MBP: variants seen among roughly 807,000 people sequenced by gnomAD.
MBP encodes myelin basic protein, also known as Golli-MBP.
In MBP, 16 loss-of-function variants were observed where a neutral mutation model predicts 35.8. That is an observed-to-expected ratio of 0.45 (90% confidence interval 0.30 to 0.68). The LOEUF (loss-of-function observed/expected upper bound fraction) is 0.68. MBP is among the 30% of genes least tolerant of loss of function. The pLI, the probability that MBP is intolerant of heterozygous loss-of-function variation, is 0.08. For missense variants in MBP, 380 were observed against 404.7 expected (o/e 0.94, Z 0.52); for synonymous variants, 143 against 159.6 (o/e 0.90, Z 0.78).
intron 2 of MBP, among the ~76,000 whole-genome samples, chr18:77,090,749 CG>C (rs1975481231): frequency 6.6e-6 from 1 of 152,216 alleles, no homozygotes; most frequent in Middle Eastern, 3.2e-3. Flanking sequence ...GGCTCAGCGG[CG>C]GACTCTCCTC....
chr18:77,027,982 T>TTTAATTTATTTATTTATTTATTTATTTA (rs1972289546), intron 3 of MBP, among the ~76,000 whole-genome samples: 1 of 145,340 alleles, frequency 6.9e-6, no homozygotes, highest in East Asian at 2.0e-4. Flanking sequence ...CCCAGCTAAT[T>TTTAATTTATTTATTTATTTATTTATTTA]TTTATTTATT....
intron 1 of MBP, among the ~76,000 whole-genome samples, chr18:77,132,060 C>G (rs1486586540): frequency 2.0e-5 from 3 of 152,092 alleles, no homozygotes; most frequent in African/African-American, 7.2e-5. Flanking sequence ...CGCCGCGAGC[C>G]GGGAGGACCC....
chr18:77,024,941 G>A (rs1178435865), intron 3 of MBP, among the ~76,000 whole-genome samples: 2 of 152,144 alleles, frequency 1.3e-5, no homozygotes, highest in Non-Finnish European at 2.9e-5. Flanking sequence ...TCCCACAAAC[G>A]CTGCCTTCCA....
intron 2 of MBP, among the ~76,000 whole-genome samples, chr18:77,080,845 G>A (rs1974867371): frequency 6.6e-6 from 1 of 152,022 alleles, no homozygotes; most frequent in Admixed American, 6.6e-5. Flanking sequence ...ACCACGCCCA[G>A]CTAACTGTTG....
chr18:77,062,123 C>T (rs1974007213), intron 3 of MBP, among the ~76,000 whole-genome samples: 1 of 152,202 alleles, frequency 6.6e-6, no homozygotes, highest in African/African-American at 2.4e-5. Context: ...CTGAGAGGAA[C>T]CACAGTCAGT....
At chr18:77,041,848 C>T (rs1339749491) in intron 3 of MBP, among the ~76,000 whole-genome samples, 4 of 151,386 alleles carry the variant, frequency 2.6e-5, no homozygotes, top group Non-Finnish European at 5.9e-5. Flanking sequence ...TTACTGGGTG[C>T]AGCACACCAA....
At position 76,988,831 on chromosome 18, in the gene MBP, G is replaced by T. The variant is rs777120967; in HGVS notation, c.717+46C>A. The T allele has an allele frequency of 6.3e-7, 1 of 1,577,714 alleles. No homozygotes were observed. Among genetic ancestry groups the T allele is most frequent in the South Asian group, 1.1e-5 (1 of 87,766 alleles). On this transcript the variant is annotated intron_variant, in intron 6 of 8. Transcript: ENST00000355994. The surrounding 1 kb of genome is among the most constrained non-coding windows in gnomAD (Gnocchi z 5.2). The stretch of plus-strand genomic sequence containing the variant: ...GGTACATTATGGGATTTTAGAGAAG[G>T]TCTATCAGAAAAGTGATGATCAATC...
intron 2 of MBP, among the ~76,000 whole-genome samples, chr18:77,092,010 A>G (rs1975548705): frequency 6.6e-6 from 1 of 152,204 alleles, no homozygotes; most frequent in Admixed American, 6.5e-5. Context: ...TGAAAGCTGG[A>G]TTTTTTAGGT....
intron 1 of MBP, among the ~76,000 whole-genome samples, chr18:77,126,286 C>G (rs2145246739): frequency 6.6e-6 from 1 of 152,290 alleles, no homozygotes; most frequent in South Asian, 2.1e-4. Context: ...AGTCAATCAA[C>G]TATCCATCAT....
At chr18:76,980,680 AG>A in intron 8 of MBP, 1 of 572,260 alleles carries the variant, frequency 1.7e-6, no homozygotes, top group Non-Finnish European at 3.1e-6. Context: ...GTTCTGTGAG[AG>A]AGAACTGGAA....
chr18:77,066,313 CCT>C lies in MBP; in HGVS notation c.122_123del (p.Glu41GlyfsTer25). The C allele has an allele frequency of 6.2e-7, 1 of 1,614,062 alleles. No individual in the cohort carries two copies. The highest frequency in any genetic ancestry group is 8.5e-7 in the Non-Finnish European group (1 of 1,179,926). On this transcript the variant is annotated frameshift_variant, in exon 3 of 9. Transcript: ENST00000355994. LOFTEE classifies it high-confidence loss of function. ...CGTCACCTACCGAACACTTCGTTGTCCTCTGAGGTTGTCCGTGAAAGTTCACC... is the reference window on the plus strand; with the variant it reads ...CGTCACCTACCGAACACTTCGTTGTCCTGAGGTTGTCCGTGAAAGTTCACC... ...NLGELSRTTS[E>X]DNEVFGEADA...
At chr18:77,002,161 G>A (rs1764826611) in intron 4 of MBP, among the ~76,000 whole-genome samples, 2 of 152,184 alleles carry the variant, frequency 1.3e-5, no homozygotes, top group South Asian at 4.1e-4. Flanking sequence ...GAGACCTCTG[G>A]CCTCTCGTAA....
Position 77,020,848 on chromosome 18 carries a change from C to T in MBP, c.140-3580G>A, listed in dbSNP as rs901366197. On this transcript the variant is annotated intron_variant, in intron 3 of 8. Transcript: ENST00000355994. The surrounding 1 kb of genome is among the most constrained non-coding windows in gnomAD (Gnocchi z 4.1). ...ACCCCGGGACCTAGCTCACCACAGGCCTGCCTAAGAGTGGACGGCTCCAGG... is the reference window on the plus strand; with the variant it reads ...ACCCCGGGACCTAGCTCACCACAGGTCTGCCTAAGAGTGGACGGCTCCAGG... Among the ~76,000 whole-genome samples, 3 of 152,228 alleles carry T rather than the reference C, an allele frequency of 2.0e-5. No individual in the cohort carries two copies. The highest frequency in any genetic ancestry group is 4.4e-5 in the Non-Finnish European group (3 of 68,046).
chr18:77,050,318 C>T (rs1973438710), intron 3 of MBP, among the ~76,000 whole-genome samples: 1 of 152,166 alleles, frequency 6.6e-6, no homozygotes. Flanking sequence ...AAAGCAGATA[C>T]CAAAACTAAG....
intron 3 of MBP, among the ~76,000 whole-genome samples, chr18:77,031,988 GACA>G (rs1263171798): frequency 6.6e-6 from 1 of 152,220 alleles, no homozygotes; most frequent in African/African-American, 2.4e-5. Flanking sequence ...CGATGGCAAC[GACA>G]ACAAGTGTGT....
At chr18:77,078,030 C>T (rs1974732843) in intron 2 of MBP, among the ~76,000 whole-genome samples, 1 of 152,222 alleles carries the variant, frequency 6.6e-6, no homozygotes, top group Non-Finnish European at 1.5e-5. Flanking sequence ...ACTGCAGACC[C>T]ACGTGCCCGC....
At chr18:77,055,624 A>G (rs1416218202) in intron 3 of MBP, among the ~76,000 whole-genome samples, 1 of 138,134 alleles carries the variant, frequency 7.2e-6, no homozygotes. Context: ...TTTTTAACCT[A>G]GTAATTGCTT....
At chr18:77,056,693 A>G (rs78180751) in intron 3 of MBP, among the ~76,000 whole-genome samples, 5,293 of 152,154 alleles carry the variant, frequency 0.035, 150 homozygotes, top group East Asian at 0.1. Flanking sequence ...GCTCTCTCCT[A>G]CTGCAATAGT....
intron 3 of MBP, among the ~76,000 whole-genome samples, chr18:77,036,607 A>G (rs185004356): frequency 2.2e-4 from 16 of 73,848 alleles, no homozygotes; most frequent in East Asian, 4.3e-4. Flanking sequence ...TGCTGGTCAC[A>G]TTTTGGAGAC....
Sources: gnomAD v4.1 joint callset for allele counts (sites outside exome capture counted in the v4.1 genomes callset) on GRCh38, gnomAD v4.1.1 for gene constraint, Gnocchi (gnomAD v3.1) non-coding constraint, MANE v1.5 for transcripts, NCBI Gene and HGNC (gene_info 2026-07-23, HGNC 2026-07-21) for gene names.